Variants in SYT7 observed in about 807,000 individuals in gnomAD.
SYT7 encodes synaptotagmin 7.
In SYT7, 29 loss-of-function variants were observed where a neutral mutation model predicts 75.1. The ratio of observed to expected loss-of-function variants is 0.39; its 90% CI spans 0.29 to 0.53. SYT7 has a LOEUF of 0.53. SYT7 is among the 20% of genes least tolerant of loss of function. The pLI is 0.77. For synonymous variants in SYT7, 376 were observed against 401.7 expected (o/e 0.94, Z 0.76); for missense variants, 693 against 953.2 (o/e 0.73, Z 3.59).
chr11:61,551,505 G>C lies in SYT7; in HGVS notation c.136-42C>G, dbSNP rs199499376. On this transcript the variant is annotated intron_variant, in intron 2 of 12. Transcript: ENST00000539008. This position sits in a 1 kb window ranked among gnomAD's most constrained non-coding sequence, Gnocchi z 5.3. ...AGGATCACTCCTGGGGAACAGGACT[G>C]TACCCTCCCTACCTCCCCAGAACAG... 29 of 1,594,720 alleles carry C rather than the reference G, an allele frequency of 1.8e-5. No individual in the cohort carries two copies. In the African/African-American group the frequency reaches 3.7e-4, roughly 21 times the overall value.
chr11:61,524,802 C>T lies in SYT7; in HGVS notation c.1472-270G>A. On this transcript the variant is annotated intron_variant, in intron 9 of 12. Transcript: ENST00000539008. This position sits in a 1 kb window ranked among gnomAD's most constrained non-coding sequence, Gnocchi z 4.1. ...GGCTCAGACGGCTTAAAGTACTTGC[C>T]CAGACTCCCAGCTAGTAAAGAGTAG... 2.9e-6 allele frequency: 1 copy of T among 350,090 alleles called. No homozygotes were observed. Among genetic ancestry groups the T allele is most frequent in the Non-Finnish European group, 5.2e-6 (1 of 190,856 alleles). 21.7% of individuals were successfully genotyped at this position (350,090 alleles called of 1,614,324 possible). A position where few individuals can be genotyped will look rare whatever the true frequency, so the allele number is the denominator to read the frequency against.
At chr11:61,533,159 G>T (rs767444768) in intron 7 of SYT7, 35 bp from the exon 8 acceptor site, 2 of 1,537,836 alleles carry the variant, frequency 1.3e-6, no homozygotes, top group South Asian at 2.4e-5. Flanking sequence ...GATTGGGCTG[G>T]GAAGTGAGCT....
intron 3 of SYT7, among the ~76,000 whole-genome samples, chr11:61,548,188 C>T (rs192667173): frequency 6.6e-6 from 1 of 152,256 alleles, no homozygotes. Context: ...AACCAGGGGG[C>T]CCCTCGGTCC....
chr11:61,553,041 T>A lies in SYT7; in HGVS notation c.136-1578A>T. On this transcript the variant is annotated intron_variant, in intron 2 of 12. Transcript: ENST00000539008. The surrounding 1 kb of genome is among the most constrained non-coding windows in gnomAD (Gnocchi z 5.2). ...TCATCACCTGGAAGTGTCCCTTCTA[T>A]GGCCCCGCCCACCCTGGAGTCTGGG... Among the ~76,000 whole-genome samples, 1 of 152,200 alleles carries A rather than the reference T, an allele frequency of 6.6e-6. No individual in the cohort carries two copies. The highest frequency in any genetic ancestry group is 1.5e-5 in the Non-Finnish European group (1 of 68,040).
intron 7 of SYT7, among the ~76,000 whole-genome samples, chr11:61,537,878 C>A (rs1232751806): frequency 6.6e-6 from 1 of 152,090 alleles, no homozygotes; most frequent in African/African-American, 2.4e-5. Context: ...AAAGGCTGCG[C>A]TTGCTCCGGG....
chr11:61,580,846 G>A lies in SYT7; in HGVS notation c.-26C>T, dbSNP rs1449425464. On this transcript the variant is annotated 5_prime_UTR_variant, in exon 1 of 13. Transcript: ENST00000539008. The surrounding 1 kb of genome is among the most constrained non-coding windows in gnomAD (Gnocchi z 6.1). Reference sequence around the variant, plus strand: ...GGTCCCCTCGTCGCCGGTTCCCTCCGGGCTCCTCAGAGCCGCCCGCGGCCG... The same window carrying A: ...GGTCCCCTCGTCGCCGGTTCCCTCCAGGCTCCTCAGAGCCGCCCGCGGCCG... 3 of 1,236,090 alleles carry A rather than the reference G, an allele frequency of 2.4e-6. No individual in the cohort carries two copies. Among genetic ancestry groups the A allele is most frequent in the Non-Finnish European group, 3.0e-6 (3 of 987,982 alleles). 76.6% of individuals were successfully genotyped at this position (1,236,090 alleles called of 1,614,324 possible). A position where few individuals can be genotyped will look rare whatever the true frequency, so the allele number is the denominator to read the frequency against.
At position 61,538,376 on chromosome 11, in the gene SYT7, AG is replaced by A; in HGVS notation, c.942-111del. ...GAGAGAGAGAGAGAGAGAGAGAGAG[AG>A]AGAGAGAGAGAAAGAGAGAGAGAGA... On this transcript the variant is annotated intron_variant, in intron 6 of 12. Transcript: ENST00000539008. The A allele has an allele frequency of 5.5e-6, 5 of 905,068 alleles. No individual in the cohort carries two copies. The East Asian group carries it at 1.1e-4, about 20-fold the overall frequency. 56.1% of individuals were successfully genotyped at this position (905,068 alleles called of 1,614,324 possible). A position where few individuals can be genotyped will look rare whatever the true frequency, so the allele number is the denominator to read the frequency against.
intron 6 of SYT7, chr11:61,540,560 G>C (rs550223009): frequency 5.7e-4 from 558 of 985,428 alleles, no homozygotes; most frequent in Non-Finnish European, 6.5e-4. Flanking sequence ...CATGAGACTT[G>C]TCCTGGGGCA....
rs555572430 is a variant in SYT7 at position 61,553,895 on chromosome 11, G to A, written c.135+2209C>T. Among the ~76,000 whole-genome samples the A allele has an allele frequency of 2.6e-5, 4 of 152,266 alleles. No homozygotes were observed. The highest frequency in any genetic ancestry group is 2.1e-4 in the South Asian group (1 of 4,822). ...TGTGTGTGTTGGGGGAGGGGACAGC[G>A]TTTTAAAGTCCCTTCCATGGAGCAA... is the stretch of plus-strand genomic sequence containing the variant. On this transcript the variant is annotated intron_variant, in intron 2 of 12. Coordinates refer to ENST00000539008, the MANE Select transcript of SYT7 (RefSeq NM_001365809.2). The surrounding 1 kb of genome is among the most constrained non-coding windows in gnomAD (Gnocchi z 5.2).
In SYT7 at chr11:61,538,128, T is replaced by C; in HGVS notation, c.1064+16A>G. 1 of 1,535,756 alleles carries C rather than the reference T, an allele frequency of 6.5e-7. No individual in the cohort carries two copies. On this transcript the variant is annotated intron_variant, in intron 7 of 12. Coordinates refer to ENST00000539008, the MANE Select transcript of SYT7 (RefSeq NM_001365809.2). ...TCTCTGCCGCCGCCGCCGCAGGCCC[T>C]CGCCTGTGCTCGTACCTCTTGTCCC...
At chr11:61,567,064 TG>T (rs1354620387) in intron 1 of SYT7, among the ~76,000 whole-genome samples, 1 of 152,196 alleles carries the variant, frequency 6.6e-6, no homozygotes, top group Non-Finnish European at 1.5e-5. Context: ...CAAAGGCTCC[TG>T]GGGATGCAAC....
At chr11:61,561,871 T>C (rs1244841946) in intron 1 of SYT7, among the ~76,000 whole-genome samples, 4 of 152,060 alleles carry the variant, frequency 2.6e-5, no homozygotes, top group African/African-American at 9.7e-5. Context: ...TCAGCAAATA[T>C]TTGTTGAATG....
intron 5 of SYT7, among the ~76,000 whole-genome samples, chr11:61,544,946 A>G (rs3017598): frequency 0.97 from 148,352 of 152,238 alleles, 72,383 homozygotes; most frequent in East Asian, 1. Context: ...AATCAGGAGG[A>G]CCCTCAGTTG....
chr11:61,529,455 G>A (rs374584326), intron 8 of SYT7, among the ~76,000 whole-genome samples: 15 of 152,250 alleles, frequency 9.9e-5, no homozygotes, highest in African/African-American at 3.1e-4. Context: ...GAAGAGACTG[G>A]TTCAGAGAGG....
At chr11:61,522,826 C>G (rs542806738) in intron 12 of SYT7, among the ~76,000 whole-genome samples, 1 of 152,286 alleles carries the variant, frequency 6.6e-6, no homozygotes, top group African/African-American at 2.4e-5. Flanking sequence ...TCCTTTTCTC[C>G]CTGCTCAGCT....
chr11:61,581,103 G>T, upstream of SYT7: 1 of 252,158 alleles, frequency 4.0e-6, no homozygotes, highest in Non-Finnish European at 6.2e-6. Context: ...GTGTGTACGA[G>T]GCCGTGTGTA....
chr11:61,584,165 A>G (rs1041167398), upstream of SYT7, among the ~76,000 whole-genome samples: 1 of 152,166 alleles, frequency 6.6e-6, no homozygotes, highest in Non-Finnish European at 1.5e-5. Context: ...CGAGGCGGGC[A>G]GTTCACAAGG....
chr11:61,517,497 T>G lies in SYT7; in HGVS notation c.*1130A>C, dbSNP rs536539106. ...ACCACGCACGATGAGACGGAATGAA[T>G]GGAAGGTCTACAAGCATTGGGGGAT... On this transcript the variant is annotated 3_prime_UTR_variant, in exon 13 of 13. Coordinates refer to ENST00000539008, the MANE Select transcript of SYT7 (RefSeq NM_001365809.2). The G allele has an allele frequency of 1.3e-3, 533 of 398,558 alleles. 3 individuals carry two copies. The highest frequency in any genetic ancestry group is 0.01 in the African/African-American group (493 of 48,486). 24.7% of individuals were successfully genotyped at this position (398,558 alleles called of 1,614,324 possible). A position where few individuals can be genotyped will look rare whatever the true frequency, so the allele number is the denominator to read the frequency against.
intron 9 of SYT7, chr11:61,526,473 G>A (rs1253249031): frequency 1.3e-5 from 2 of 152,172 alleles, no homozygotes; most frequent in African/African-American, 4.8e-5. Context: ...ACCACCAAAG[G>A]GAGCTCATAC....
Sources: gnomAD v4.1 joint callset for allele counts (sites outside exome capture counted in the v4.1 genomes callset) on GRCh38, gnomAD v4.1.1 for gene constraint, Gnocchi (gnomAD v3.1) non-coding constraint, MANE v1.5 for transcripts, NCBI Gene and HGNC (gene_info 2026-07-23, HGNC 2026-07-21) for gene names.